Variants in CNOT6L observed in about 807,000 individuals in gnomAD.
The protein encoded by CNOT6L is CCR4-NOT transcription complex subunit 6-like.
CNOT6L carries 7 observed loss-of-function variants against 64.0 expected under a neutral mutation model. That is an observed-to-expected ratio of 0.11 (90% CI 0.06 to 0.21). The LOEUF (loss-of-function observed/expected upper bound fraction) is 0.21. Ranked by LOEUF, CNOT6L falls within the 10% of genes least tolerant of loss-of-function variation. CNOT6L has a pLI of 1.00. For missense variants in CNOT6L, 245 were observed against 669.0 expected, an observed-to-expected ratio of 0.37 and a Z score of 6.99; for synonymous variants, 193 against 243.4, an observed-to-expected ratio of 0.79 and a Z score of 1.93.
chr4:77,781,309 G>A (rs964813006), intron 1 of CNOT6L, among the ~76,000 whole-genome samples: 8 of 152,002 alleles, frequency 5.3e-5, no homozygotes, highest in Non-Finnish European at 7.4e-5. Flanking sequence ...TAACAAACCT[G>A]CATGTTCTGT....
chr4:77,818,935 T>G (rs1401989539), intron 1 of CNOT6L: 3 of 620,994 alleles, frequency 4.8e-6, no homozygotes, highest in South Asian at 4.6e-5. Flanking sequence ...CCGCACTCAC[T>G]CAGCCCTCCC....
chr4:77,716,312 A>G lies in CNOT6L; in HGVS notation c.*4119T>C, dbSNP rs1246254039. ...GCTATTAAAATATCTCAGAAACAGA[A>G]TAAAAAAGCTTAGAATCAAATAAGC... is the stretch of plus-strand genomic sequence containing the variant. On this transcript the variant is annotated 3_prime_UTR_variant, in exon 12 of 12. Transcript: ENST00000504123. 6.6e-6 allele frequency: 1 copy of G among 152,158 alleles called. No individual in the cohort carries two copies. The highest frequency in any genetic ancestry group is 1.5e-5 in the Non-Finnish European group (1 of 68,006). The allele number at this position is 152,158 out of a possible 1,614,324, so 9.4% of individuals were successfully genotyped here. A position where few individuals can be genotyped will look rare whatever the true frequency, so the allele number is the denominator to read the frequency against.
At chr4:77,723,066 A>G (rs116152237) in intron 11 of CNOT6L, among the ~76,000 whole-genome samples, 1,655 of 152,324 alleles carry the variant, frequency 0.011, 17 homozygotes, top group Admixed American at 0.032. Flanking sequence ...AGAAAAGTTT[A>G]CTATTTGCTA....
chr4:77,782,003 G>A (rs1489542297), intron 1 of CNOT6L, among the ~76,000 whole-genome samples: 1 of 152,138 alleles, frequency 6.6e-6, no homozygotes, highest in African/African-American at 2.4e-5. Context: ...GATGCTGGCA[G>A]AGTTCCTAAA....
At chr4:77,797,486 T>TAGTC (rs1017354336) in intron 1 of CNOT6L, among the ~76,000 whole-genome samples, 8 of 152,204 alleles carry the variant, frequency 5.3e-5, no homozygotes, top group Admixed American at 5.2e-4. Context: ...ACCTGCCTAT[T>TAGTC]AGTCAATCAG....
chr4:77,768,745 G>A (rs1457430040), intron 4 of CNOT6L, among the ~76,000 whole-genome samples: 3 of 151,818 alleles, frequency 2.0e-5, no homozygotes, highest in Non-Finnish European at 4.4e-5. Flanking sequence ...TAAATTAAGA[G>A]TACAGTTAGA....
chr4:77,755,385 T>A (rs1725449538), intron 5 of CNOT6L, among the ~76,000 whole-genome samples: 1 of 151,910 alleles, frequency 6.6e-6, no homozygotes, highest in South Asian at 2.1e-4. Flanking sequence ...CCTGGCTGAT[T>A]TTTTGTATTT....
intron 5 of CNOT6L, among the ~76,000 whole-genome samples, chr4:77,753,165 A>G (rs1490382913): frequency 1.3e-5 from 2 of 150,422 alleles, no homozygotes; most frequent in Non-Finnish European, 3.0e-5. Context: ...AAAGAAATTA[A>G]ATCAGTAATT....
chr4:77,770,035 G>A (rs1392824469), intron 4 of CNOT6L, among the ~76,000 whole-genome samples: 5 of 152,004 alleles, frequency 3.3e-5, no homozygotes, highest in Admixed American at 2.0e-4. Flanking sequence ...ATTTTTCTAA[G>A]TGACTTCACA....
chr4:77,748,646 A>G (rs963618277), intron 5 of CNOT6L, among the ~76,000 whole-genome samples: 3 of 152,200 alleles, frequency 2.0e-5, no homozygotes, highest in Non-Finnish European at 4.4e-5. Context: ...TACGAAAAGT[A>G]CCTATTTAAA....
chr4:77,727,288 G>A (rs759784121), intron 10 of CNOT6L, among the ~76,000 whole-genome samples: 8 of 151,958 alleles, frequency 5.3e-5, no homozygotes, highest in Non-Finnish European at 1.2e-4. Flanking sequence ...GGCTGGGTGC[G>A]GTGGCTCACA....
intron 10 of CNOT6L, among the ~76,000 whole-genome samples, chr4:77,726,763 TCAA>T (rs989830895): frequency 2.0e-5 from 3 of 152,324 alleles, no homozygotes; most frequent in South Asian, 2.1e-4. Context: ...TTCTAAGCAA[TCAA>T]CAACTTTGCG....
chr4:77,742,505 C>T (rs536595192), intron 7 of CNOT6L: 15 of 615,380 alleles, frequency 2.4e-5, no homozygotes, highest in South Asian at 2.0e-4. Flanking sequence ...ACATGATTTT[C>T]TCATGCTCAC....
Position 77,773,067 on chromosome 4 carries a change from T to G in CNOT6L, c.400+14A>C. On this transcript the variant is annotated intron_variant, in intron 4 of 11. Transcript: ENST00000504123. ...AGGCTCAGAATACCTCAAAACTGTT[T>G]AAAAATCACTTACCTTTCAAACCTA... The G allele has an allele frequency of 1.9e-6, 3 of 1,572,826 alleles. No homozygotes were observed. Among genetic ancestry groups the G allele is most frequent in the Non-Finnish European group, 2.6e-6 (3 of 1,155,546 alleles).
At chr4:77,770,533 T>C (rs902132249) in intron 4 of CNOT6L, among the ~76,000 whole-genome samples, 2 of 152,232 alleles carry the variant, frequency 1.3e-5, no homozygotes, top group Non-Finnish European at 2.9e-5. Context: ...TCTGGTTTTC[T>C]GGATCACCTT....
chr4:77,761,376 T>C (rs1456396336), intron 4 of CNOT6L, among the ~76,000 whole-genome samples: 1 of 152,202 alleles, frequency 6.6e-6, no homozygotes, highest in African/African-American at 2.4e-5. Flanking sequence ...TAATGACCTG[T>C]ATCTACAAAA....
At chr4:77,731,311 T>C in intron 9 of CNOT6L, 76 bp downstream of exon 9, 2 of 1,429,372 alleles carry the variant, frequency 1.4e-6, no homozygotes, top group Non-Finnish European at 1.9e-6. Flanking sequence ...ACGGCAAAAT[T>C]CTCTTCACTT....
At chr4:77,743,877 T>C (rs951877535) in intron 7 of CNOT6L, among the ~76,000 whole-genome samples, 6 of 152,070 alleles carry the variant, frequency 3.9e-5, no homozygotes, top group African/African-American at 1.2e-4. Flanking sequence ...ACTGGGACTA[T>C]AGGCGTGAGC....
chr4:77,789,673 A>C (rs1188658015), intron 1 of CNOT6L, among the ~76,000 whole-genome samples: 1 of 151,420 alleles, frequency 6.6e-6, no homozygotes, highest in Non-Finnish European at 1.5e-5. Context: ...AAAAAAAGCC[A>C]AGCATGATGG....
Sources: allele counts gnomAD v4.1 joint callset (sites outside exome capture counted in the v4.1 genomes callset), GRCh38; gene constraint gnomAD v4.1.1; transcripts MANE v1.5; gene names NCBI Gene and HGNC (gene_info 2026-07-23, HGNC 2026-07-21).